The following MDGA1 variants were observed in gnomAD, a reference collection of about 807,000 sequenced individuals.
MDGA1 encodes MAM domain containing glycosylphosphatidylinositol anchor 1.
MDGA1 carries 54 observed loss-of-function variants against 101.5 expected under a neutral mutation model. The ratio of observed to expected loss-of-function variants is 0.53; its 90% CI spans 0.43 to 0.67. The LOEUF (loss-of-function observed/expected upper bound fraction) is 0.67, where lower values mean the gene tolerates loss of function less well. MDGA1 is among the 30% of genes least tolerant of loss of function. The pLI, the probability that MDGA1 is intolerant of heterozygous loss-of-function variation, is 0.00. For missense variants in MDGA1, 1,083 were observed against 1,323.8 expected (o/e 0.82, Z 2.82); for synonymous variants, 533 against 558.3 (o/e 0.95, Z 0.64).
At chr6:37,671,744 T>A (rs1561856708) in intron 1 of MDGA1, among the ~76,000 whole-genome samples, 1 of 152,036 alleles carries the variant, frequency 6.6e-6, no homozygotes, top group Non-Finnish European at 1.5e-5. Flanking sequence ...CCATCCCCCA[T>A]AAGAGAATCC....
intron 1 of MDGA1, among the ~76,000 whole-genome samples, chr6:37,688,446 G>T (rs892329676): frequency 1.3e-5 from 2 of 152,156 alleles, no homozygotes; most frequent in Non-Finnish European, 2.9e-5. Context: ...GAAGAGCCTG[G>T]GGTGGAATCT....
chr6:37,658,490 C>T (rs1761547390), intron 2 of MDGA1, 71 bp from the exon 3 acceptor site: 3 of 1,430,004 alleles, frequency 2.1e-6, no homozygotes, highest in Admixed American at 4.3e-5. Context: ...GCTGAGTGCC[C>T]TGCAACGGCA....
chr6:37,640,357 T>C (rs564432575), intron 14 of MDGA1, among the ~76,000 whole-genome samples: 1 of 151,964 alleles, frequency 6.6e-6, no homozygotes, highest in African/African-American at 2.4e-5. Flanking sequence ...GCAAAGCTCA[T>C]TCTTTTTTCG....
rs62398393 is a variant in MDGA1, at chr6:37,652,054, G to A, written c.1269C>T (p.Pro423=). 57,576 of 1,610,724 alleles carry A rather than the reference G, an allele frequency of 0.036. 1,474 individuals are homozygous for A. The highest frequency in any genetic ancestry group is 0.12 in the African/African-American group (8,660 of 74,984). ...TGACCTCGACGCTGAGGTCGGGCAC[G>A]GGTGCCCCTGGGAAAGAAGCCATGC... ...YLCMASFPGA[P]VPDLSVEVNI... The change falls in exon 7 of 17, where the codon CCC becomes CCT. Residue 423 remains proline (P), a synonymous_variant. Transcript: ENST00000434837. This position sits in a 1 kb window ranked among gnomAD's most constrained non-coding sequence, Gnocchi z 4.3.
At chr6:37,665,087 A>G (rs1262385234) in intron 1 of MDGA1, among the ~76,000 whole-genome samples, 4 of 152,134 alleles carry the variant, frequency 2.6e-5, no homozygotes, top group Non-Finnish European at 5.9e-5. Context: ...GGCCCAGGCT[A>G]GGGGACCAAA....
At chr6:37,672,899 AGG>A (rs148928322) in intron 1 of MDGA1, among the ~76,000 whole-genome samples, 3,210 of 152,142 alleles carry the variant, frequency 0.021, 42 homozygotes, top group Middle Eastern at 0.078. Context: ...GGGAGCAGGG[AGG>A]GATTGCTGTG....
intron 1 of MDGA1, among the ~76,000 whole-genome samples, chr6:37,677,139 C>T (rs1761997951): frequency 6.6e-6 from 1 of 152,132 alleles, no homozygotes; most frequent in African/African-American, 2.4e-5. Flanking sequence ...AGTATGGCTT[C>T]AGGAGGTTCA....
rs1278121604 is a variant in MDGA1, at chr6:37,632,431, C to A, written c.*4937G>T. 1 of 152,928 alleles carries A rather than the reference C, an allele frequency of 6.5e-6. No individual in the cohort carries two copies. Among genetic ancestry groups the A allele is most frequent in the Non-Finnish European group, 1.5e-5 (1 of 68,282 alleles). The allele number at this position is 152,928 out of a possible 1,614,324, so 9.5% of individuals were successfully genotyped here. A position where few individuals can be genotyped will look rare whatever the true frequency, so the allele number is the denominator to read the frequency against. On this transcript the variant is annotated 3_prime_UTR_variant, in exon 17 of 17. Transcript: ENST00000434837. ...GGTGCCAAAGAGAAGAAAGGCTGCCCCCAGGGAGCTGAGAGGAGCCCTCCA... is the reference window on the plus strand; with the variant it reads ...GGTGCCAAAGAGAAGAAAGGCTGCCACCAGGGAGCTGAGAGGAGCCCTCCA...
intron 9 of MDGA1, chr6:37,648,216 G>C (rs1761259057): frequency 6.6e-6 from 1 of 152,332 alleles, no homozygotes; most frequent in Non-Finnish European, 1.5e-5. Context: ...CACCTCTAGG[G>C]TGCCAGCTCA....
chr6:37,661,286 C>T (rs1489958480), intron 2 of MDGA1, among the ~76,000 whole-genome samples: 1 of 152,244 alleles, frequency 6.6e-6, no homozygotes, highest in Non-Finnish European at 1.5e-5. Context: ...TCCTCAACTT[C>T]TGCTACCTGC....
chr6:37,683,087 G>T (rs928933337), intron 1 of MDGA1, among the ~76,000 whole-genome samples: 1 of 152,222 alleles, frequency 6.6e-6, no homozygotes, highest in Admixed American at 6.5e-5. Context: ...AATTCAGTGG[G>T]ATGGAGAACA....
At position 37,664,060 on chromosome 6, in the gene MDGA1, C is replaced by T. The variant is rs367802780; in HGVS notation, c.114G>A (p.Val38=). 6.8e-6 allele frequency: 11 copies of T among 1,613,920 alleles called. No homozygotes were observed. The East Asian group carries it at 8.9e-5, about 13-fold the overall frequency. Residue 38 remains valine (V), a synonymous_variant, in exon 2 of 17, where the codon GTG becomes GTA. Transcript: ENST00000434837. The part of the protein sequence containing the change: ...QIVHAGQACV[V]KEDNISERVY... ...CACGCTCGCTGATATTGTCCTCTTT[C>T]ACCACACATGCCTGGCCCGCATGCA... is the stretch of plus-strand genomic sequence containing the variant.
intron 9 of MDGA1, among the ~76,000 whole-genome samples, 200 bp downstream of exon 9, chr6:37,648,782 G>A (rs1407211275): frequency 6.6e-6 from 1 of 152,230 alleles, no homozygotes; most frequent in Non-Finnish European, 1.5e-5. Flanking sequence ...GGGAGGCCCA[G>A]GTTGGGATCC....
intron 1 of MDGA1, among the ~76,000 whole-genome samples, chr6:37,693,978 G>A (rs1360971508): frequency 1.3e-5 from 2 of 152,122 alleles, no homozygotes; most frequent in Non-Finnish European, 2.9e-5. Flanking sequence ...TAGGGTTCTA[G>A]GCACCTACCT....
At chr6:37,648,580 G>C (rs772905628) in intron 9 of MDGA1, 4 of 238,640 alleles carry the variant, frequency 1.7e-5, no homozygotes, top group Non-Finnish European at 3.2e-5. Flanking sequence ...CTGGTAGAGA[G>C]GCGAAGCCTA....
At chr6:37,682,882 G>T (rs1361997223) in intron 1 of MDGA1, among the ~76,000 whole-genome samples, 3 of 152,226 alleles carry the variant, frequency 2.0e-5, no homozygotes, top group African/African-American at 7.2e-5. Context: ...CCGGACTCAT[G>T]AGGCTCAGGT....
At chr6:37,680,189 G>A (rs1762064560) in intron 1 of MDGA1, among the ~76,000 whole-genome samples, 1 of 152,230 alleles carries the variant, frequency 6.6e-6, no homozygotes, top group African/African-American at 2.4e-5. Flanking sequence ...AAGGTGAGCT[G>A]TGCGGGATCA....
Position 37,654,937 on chromosome 6 carries a change from G to A in MDGA1, c.580-5C>T. The stretch of plus-strand genomic sequence containing the variant: ...CTTCAGGACCTTGGTCTCCCCCTGG[G>A]CAGCAGTGGACCACTGGGGTGAGGT... On this transcript the variant is annotated splice_polypyrimidine_tract_variant and splice_region_variant and intron_variant, in intron 4 of 16. Transcript: ENST00000434837. 6.2e-7 allele frequency: 1 copy of A among 1,612,878 alleles called. No individual in the cohort carries two copies. The highest frequency in any genetic ancestry group is 8.5e-7 in the Non-Finnish European group (1 of 1,179,730).
intron 14 of MDGA1, among the ~76,000 whole-genome samples, chr6:37,640,222 T>C (rs1255383884): frequency 6.6e-6 from 1 of 152,136 alleles, no homozygotes; most frequent in Non-Finnish European, 1.5e-5. Flanking sequence ...TAAGAGGGCA[T>C]GTTAAGCAGA....
Sources: gnomAD v4.1 joint callset for allele counts (sites outside exome capture counted in the v4.1 genomes callset) on GRCh38, gnomAD v4.1.1 for gene constraint, Gnocchi (gnomAD v3.1) non-coding constraint, MANE v1.5 for transcripts, NCBI Gene and HGNC (gene_info 2026-07-23, HGNC 2026-07-21) for gene names.